SPIRE1: variants seen among roughly 807,000 people sequenced by gnomAD.
SPIRE1 encodes the protein protein spire homolog 1.
Under a neutral mutation model 94.1 loss-of-function variants are expected in SPIRE1, and 40 were observed. The ratio of observed to expected loss-of-function variants is 0.43; its 90% CI spans 0.33 to 0.55. SPIRE1 has a LOEUF of 0.55. Ranked by LOEUF, SPIRE1 falls within the 20% of genes least tolerant of loss-of-function variation. The pLI is 0.06. For missense variants in SPIRE1, 838 were observed against 975.2 expected (o/e 0.86, Z 1.87); for synonymous variants, 376 against 371.7 (o/e 1.01, Z -0.13).
At chr18:12,523,759 T>C (rs2144112704) in intron 4 of SPIRE1, among the ~76,000 whole-genome samples, 1 of 152,314 alleles carries the variant, frequency 6.6e-6, no homozygotes, top group Admixed American at 6.5e-5. Flanking sequence ...TCACACCACA[T>C]GGCAGCCTTG....
At chr18:12,612,328 T>C (rs1266475234) in intron 2 of SPIRE1, among the ~76,000 whole-genome samples, 2 of 152,152 alleles carry the variant, frequency 1.3e-5, no homozygotes, top group Admixed American at 1.3e-4. Context: ...CCCTGTGGGT[T>C]TCCTTCTCGC....
intron 6 of SPIRE1, among the ~76,000 whole-genome samples, chr18:12,505,994 T>C (rs1020162860): frequency 2.0e-5 from 3 of 152,248 alleles, no homozygotes; most frequent in Non-Finnish European, 4.4e-5. Context: ...GTTATGGAAT[T>C]ACATGTTTGT....
chr18:12,607,614 C>T (rs1053837201), intron 2 of SPIRE1, among the ~76,000 whole-genome samples: 9 of 151,656 alleles, frequency 5.9e-5, no homozygotes, highest in South Asian at 2.1e-4. Flanking sequence ...CACACACACA[C>T]ACACACACAC....
At chr18:12,564,969 CAAA>C (rs1187528598) in intron 2 of SPIRE1, among the ~76,000 whole-genome samples, 2 of 151,400 alleles carry the variant, frequency 1.3e-5, no homozygotes, top group Admixed American at 6.6e-5. Flanking sequence ...ATAGGAATAA[CAAA>C]AGAAGAAAGA....
At chr18:12,539,127 C>A (rs1040203126) in intron 3 of SPIRE1, among the ~76,000 whole-genome samples, 1 of 152,188 alleles carries the variant, frequency 6.6e-6, no homozygotes, top group Non-Finnish European at 1.5e-5. Context: ...AACTACGTAC[C>A]AGGCACTGTG....
In SPIRE1 at chr18:12,569,182, T is replaced by A. The variant is rs1274331957; in HGVS notation, c.373-22278A>T. 3.3e-5 allele frequency among the ~76,000 whole-genome samples: 5 copies of A among 151,698 alleles called. No homozygotes were observed. In the East Asian group the frequency reaches 5.8e-4, roughly 18 times the overall value. On this transcript the variant is annotated intron_variant, in intron 2 of 16. Transcript: ENST00000409402. Reference sequence around the variant, plus strand: ...GGTGAAACCCTGTCTCTACTAAAAATATACAAAAAAATTAGCCAGGCATGG... The same window carrying A: ...GGTGAAACCCTGTCTCTACTAAAAAAATACAAAAAAATTAGCCAGGCATGG...
chr18:12,560,827 T>C (rs150792894), intron 2 of SPIRE1, among the ~76,000 whole-genome samples: 22 of 152,302 alleles, frequency 1.4e-4, no homozygotes, highest in African/African-American at 4.6e-4. Context: ...CACTCTAGCC[T>C]GGGTGACAGA....
chr18:12,587,145 T>C (rs1239297934), intron 2 of SPIRE1, among the ~76,000 whole-genome samples: 2 of 152,184 alleles, frequency 1.3e-5, no homozygotes, highest in African/African-American at 4.8e-5. Flanking sequence ...ACACAGCCAA[T>C]GAACAGGTAG....
chr18:12,487,567 G>C (rs1336885162), intron 8 of SPIRE1, among the ~76,000 whole-genome samples: 2 of 151,818 alleles, frequency 1.3e-5, no homozygotes, highest in Non-Finnish European at 2.9e-5. Flanking sequence ...GCTAATTTTT[G>C]TATTTTTAGA....
chr18:12,640,607 G>C (rs746867054), intron 1 of SPIRE1, among the ~76,000 whole-genome samples: 1 of 152,154 alleles, frequency 6.6e-6, no homozygotes, highest in Non-Finnish European at 1.5e-5. Flanking sequence ...ATCCAAAAGG[G>C]AGAGAAAGTA....
chr18:12,587,242 G>A (rs934181152), intron 2 of SPIRE1, among the ~76,000 whole-genome samples: 17 of 152,066 alleles, frequency 1.1e-4, no homozygotes, highest in Admixed American at 9.8e-4. Flanking sequence ...TCTGACAGAC[G>A]GTGTGATGAA....
chr18:12,494,225 G>A (rs1307092549), intron 7 of SPIRE1, among the ~76,000 whole-genome samples: 4 of 151,992 alleles, frequency 2.6e-5, no homozygotes, highest in East Asian at 1.9e-4. Flanking sequence ...TGAACACCCC[G>A]CTCTACTGTT....
intron 2 of SPIRE1, among the ~76,000 whole-genome samples, chr18:12,551,950 C>A (rs960589279): frequency 1.3e-5 from 2 of 152,142 alleles, no homozygotes; most frequent in East Asian, 3.9e-4. Flanking sequence ...TGGCCATGGG[C>A]CGCAGAGAGA....
intron 8 of SPIRE1, among the ~76,000 whole-genome samples, chr18:12,488,505 C>T (rs979243937): frequency 5.1e-4 from 77 of 151,960 alleles, no homozygotes; most frequent in African/African-American, 1.6e-3. Flanking sequence ...ACTTCTAATA[C>T]CCCAATTTAA....
chr18:12,515,843 G>A (rs1210355046), intron 4 of SPIRE1, among the ~76,000 whole-genome samples: 10 of 152,186 alleles, frequency 6.6e-5, no homozygotes, highest in Admixed American at 1.3e-4. Flanking sequence ...TGAGCTCCCT[G>A]TGGGATCGGC....
intron 2 of SPIRE1, among the ~76,000 whole-genome samples, chr18:12,629,466 A>G (rs1003954575): frequency 6.6e-6 from 1 of 152,224 alleles, no homozygotes; most frequent in Non-Finnish European, 1.5e-5. Context: ...AGCGCCTACG[A>G]GTACAGGTTA....
intron 2 of SPIRE1, among the ~76,000 whole-genome samples, chr18:12,615,122 C>T (rs1327152409): frequency 6.6e-6 from 1 of 150,674 alleles, no homozygotes; most frequent in Non-Finnish European, 1.5e-5. Context: ...GTCAGGAGTT[C>T]GAGACTAGCC....
chr18:12,546,135 GC>G (rs906109940), intron 3 of SPIRE1, among the ~76,000 whole-genome samples: 4 of 151,952 alleles, frequency 2.6e-5, no homozygotes, highest in African/African-American at 9.7e-5. Flanking sequence ...GACTACAGGT[GC>G]CCGCCACCAC....
In SPIRE1 at chr18:12,614,258, C is replaced by A. The variant is rs78844098; in HGVS notation, c.372+20804G>T. Among the ~76,000 whole-genome samples, 1,304 of 152,090 alleles carry A rather than the reference C, an allele frequency of 8.6e-3. 6 individuals are homozygous for A. Among genetic ancestry groups the A allele is most frequent in the South Asian group, 0.019 (93 of 4,804 alleles). ...CCTAGGCAACAGAGTGAGAACCCAT[C>A]TCTAAAAATAAATAAATAAAAACTG... On this transcript the variant is annotated intron_variant, in intron 2 of 16. Transcript: ENST00000409402.
Sources: gnomAD v4.1 joint callset for allele counts (sites outside exome capture counted in the v4.1 genomes callset) on GRCh38, gnomAD v4.1.1 for gene constraint, MANE v1.5 for transcripts, NCBI Gene and HGNC (gene_info 2026-07-23, HGNC 2026-07-21) for gene names.